The following MAST2 variants were observed in gnomAD, a reference collection of about 807,000 sequenced individuals.
The protein encoded by MAST2 is microtubule associated serine/threonine kinase 2.
A neutral mutation model predicts 147.4 loss-of-function variants in MAST2; 70 were observed. The ratio of observed to expected loss-of-function variants is 0.47; its 90% CI spans 0.39 to 0.58. The LOEUF is 0.58. Among genes scored for constraint, MAST2 ranks in the 20% least tolerant of loss-of-function variants. The pLI is 0.00. For synonymous variants in MAST2, 869 were observed against 896.8 expected (o/e 0.97, Z 0.55); for missense variants, 2,080 against 2,302.3 (o/e 0.90, Z 1.98).
intron 5 of MAST2, among the ~76,000 whole-genome samples, chr1:45,974,044 A>C (rs1644034270): frequency 6.6e-6 from 1 of 152,248 alleles, no homozygotes; most frequent in South Asian, 2.1e-4. Flanking sequence ...CTTATTTGAA[A>C]AAAGTAACAG....
At chr1:45,999,900 T>G (rs1158867191) in intron 6 of MAST2, among the ~76,000 whole-genome samples, 1 of 152,192 alleles carries the variant, frequency 6.6e-6, no homozygotes, top group Non-Finnish European at 1.5e-5. Flanking sequence ...ATACCTTCAT[T>G]TGTTGAAAGC....
intron 4 of MAST2, among the ~76,000 whole-genome samples, chr1:45,899,505 T>C (rs945802077): frequency 6.6e-6 from 1 of 152,070 alleles, no homozygotes; most frequent in Non-Finnish European, 1.5e-5. Context: ...TTTCCATCTT[T>C]ATGACCACAC....
rs542127507 is a variant in MAST2, at chr1:46,010,804, A to G, written c.1053A>G (p.Ala351=). 9.3e-5 allele frequency: 150 copies of G among 1,614,238 alleles called. 1 individual carries two copies. The South Asian group carries it at 1.4e-3, about 15-fold the overall frequency. Residue 351 remains alanine (A), a synonymous_variant, in exon 10 of 29, where the codon GCA becomes GCG. Coordinates refer to ENST00000361297, the MANE Select transcript of MAST2 (RefSeq NM_015112.3). ...SNTPDSVLPL[A]DGALSFIHHQ... ...CTCCAGACAGCGTGCTGCCCTTGGCAGATGGAGCCCTGAGCTTTATTCATC... is the reference window on the plus strand; with the variant it reads ...CTCCAGACAGCGTGCTGCCCTTGGCGGATGGAGCCCTGAGCTTTATTCATC...
rs188424650 is a variant in MAST2, at chr1:45,997,796, G to C, written c.665G>C (p.Arg222Pro). ...GCTCACTTTTCTTTTGTTCCTGCCC[G>C]TAGGTAAGTTGATAGGAAACCTCCT... Reference protein sequence around the residue: ...APAHFSFVPARRTDGRRWSLA... With the variant: ...APAHFSFVPAPRTDGRRWSLA... The change falls in exon 6 of 29, where the codon CGT becomes CCT. Residue 222 changes from arginine (R) to proline (P), a missense_variant. This residue lies in a region of MAST2 where 569 missense variants were observed against 642.5 expected (regional missense o/e 0.89). Transcript: ENST00000361297. The C allele has an allele frequency of 1.1e-5, 18 of 1,613,924 alleles. No homozygotes were observed. The highest frequency in any genetic ancestry group is 1.4e-5 in the Non-Finnish European group (17 of 1,179,860).
At position 45,923,844 on chromosome 1, in the gene MAST2, T is replaced by A. The variant is rs189758077; in HGVS notation, c.501-35542T>A. Among the ~76,000 whole-genome samples, 4 of 152,262 alleles carry A rather than the reference T, an allele frequency of 2.6e-5. No homozygotes were observed. The East Asian group carries it at 7.7e-4, about 29-fold the overall frequency. On this transcript the variant is annotated intron_variant, in intron 4 of 28. Transcript: ENST00000361297. ...CCCACAGTCTGTTGTCACTTCTAGG[T>A]CATTACCTTTATTACCTTCTTGTAA...
chr1:45,935,920 ACT>A (rs755049847), intron 4 of MAST2, among the ~76,000 whole-genome samples: 1 of 152,090 alleles, frequency 6.6e-6, no homozygotes, highest in Non-Finnish European at 1.5e-5. Flanking sequence ...GTTTTCTCTA[ACT>A]CTGTGAAAAA....
chr1:46,023,177 A>G lies in MAST2; in HGVS notation c.1486-56A>G. ...AAGATGCTAGAGCCACAGCTTCTGCAAGGATATGGGCTCTGAGAAGCATGC... is the reference window on the plus strand; with the variant it reads ...AAGATGCTAGAGCCACAGCTTCTGCGAGGATATGGGCTCTGAGAAGCATGC... On this transcript the variant is annotated intron_variant, in intron 13 of 28. Transcript: ENST00000361297. The surrounding 1 kb of genome is among the most constrained non-coding windows in gnomAD (Gnocchi z 4.9). 3.4e-6 allele frequency: 5 copies of G among 1,491,454 alleles called. No homozygotes were observed. The highest frequency in any genetic ancestry group is 4.7e-6 in the Non-Finnish European group (5 of 1,068,242). The allele number at this position is 1,491,454 out of a possible 1,614,324, so 92.4% of individuals were successfully genotyped here. A position where few individuals can be genotyped will look rare whatever the true frequency, so the allele number is the denominator to read the frequency against.
At position 45,881,083 on chromosome 1, in the gene MAST2, T is replaced by C. The variant is rs181008235; in HGVS notation, c.469-1281T>C. Among the ~76,000 whole-genome samples the C allele has an allele frequency of 2.5e-4, 38 of 152,312 alleles. 1 individual carries two copies. The East Asian group carries it at 5.2e-3, about 21-fold the overall frequency. On this transcript the variant is annotated intron_variant, in intron 3 of 28. Transcript: ENST00000361297. ...TATATTTCTTACATGGACAGTTGTT[T>C]TGGAGAGCAATTTGGAATATCCAGT...
intron 4 of MAST2, among the ~76,000 whole-genome samples, chr1:45,950,827 A>G (rs560399951): frequency 1.3e-5 from 2 of 152,306 alleles, no homozygotes; most frequent in South Asian, 2.1e-4. Context: ...CACAACTTTC[A>G]TCTTAATACT....
chr1:45,939,542 T>TTTTTTGGG (rs1656845232), intron 4 of MAST2, among the ~76,000 whole-genome samples: 1 of 134,106 alleles, frequency 7.5e-6, no homozygotes, highest in African/African-American at 2.7e-5. Flanking sequence ...AATTTTTTTT[T>TTTTTTGGG]GGGGGGGTGG....
chr1:45,909,543 C>T (rs1268656207), intron 4 of MAST2, among the ~76,000 whole-genome samples: 4 of 150,474 alleles, frequency 2.7e-5, no homozygotes, highest in Admixed American at 6.6e-5. Context: ...TTTTTGGAGA[C>T]AGAGTCTGGC....
intron 3 of MAST2, 61 bp downstream of exon 3, chr1:45,829,642 T>C: frequency 3.4e-6 from 5 of 1,487,594 alleles, no homozygotes; most frequent in South Asian, 2.5e-5. Context: ...CATTTGTCAT[T>C]GCAACATCTA....
At chr1:45,933,567 C>T (rs1241069414) in intron 4 of MAST2, among the ~76,000 whole-genome samples, 2 of 149,858 alleles carry the variant, frequency 1.3e-5, no homozygotes, top group Non-Finnish European at 3.0e-5. Context: ...TGGTGAAAAC[C>T]CGTCTCTACT....
chr1:45,917,788 C>A (rs1407130161), intron 4 of MAST2, among the ~76,000 whole-genome samples: 1 of 152,172 alleles, frequency 6.6e-6, no homozygotes, highest in African/African-American at 2.4e-5. Context: ...GCCTTGTGAA[C>A]TATGACCTGT....
chr1:46,026,704 G>T (rs968550090), intron 16 of MAST2, among the ~76,000 whole-genome samples: 2 of 152,106 alleles, frequency 1.3e-5, no homozygotes, highest in South Asian at 2.1e-4. Context: ...AGGCTGGGGT[G>T]GGGGTAGGAA....
chr1:46,027,756 A>G lies in MAST2; in HGVS notation c.1945A>G (p.Ile649Val), dbSNP rs759369426. ...CCTCCTAATTACATCCATGGGGCACATCAAGCTCACGGACTTTGGACTGTC... is the reference window on the plus strand; with the variant it reads ...CCTCCTAATTACATCCATGGGGCACGTCAAGCTCACGGACTTTGGACTGTC... ...DNLLITSMGH[I>V]KLTDFGLSKI... is the part of the protein sequence containing the mutation. The change falls in exon 17 of 29, where the codon ATC (isoleucine) becomes GTC (valine). Residue 649 changes from isoleucine (I) to valine (V), a missense_variant. Ile to Val is a conservative substitution (Grantham distance 29). Around this residue, in one of 4 missense-constraint regions of MAST2, gnomAD observed 209 missense variants for 309.5 expected, o/e 0.68. Coordinates refer to ENST00000361297, the MANE Select transcript of MAST2 (RefSeq NM_015112.3). 17 of 1,613,666 alleles carry G rather than the reference A, an allele frequency of 1.1e-5. No individual in the cohort carries two copies. Among genetic ancestry groups the G allele is most frequent in the Admixed American group, 1.7e-5 (1 of 59,928 alleles).
At chr1:45,958,981 A>C (rs1200675831) in intron 4 of MAST2, among the ~76,000 whole-genome samples, 1 of 152,234 alleles carries the variant, frequency 6.6e-6, no homozygotes, top group Non-Finnish European at 1.5e-5. Context: ...TTCATAGATT[A>C]ATAGTTTTGG....
intron 5 of MAST2, among the ~76,000 whole-genome samples, chr1:45,978,346 C>T (rs1403851132): frequency 6.6e-6 from 1 of 151,964 alleles, no homozygotes; most frequent in Non-Finnish European, 1.5e-5. Context: ...AAACCTTGTC[C>T]GTACTAAAAA....
At chr1:45,972,783 C>T (rs1200667172) in intron 5 of MAST2, among the ~76,000 whole-genome samples, 1 of 152,176 alleles carries the variant, frequency 6.6e-6, no homozygotes, top group African/African-American at 2.4e-5. Flanking sequence ...TTTTGGAATT[C>T]CAGTTCTTTA....
Sources: gnomAD v4.1 joint callset for allele counts (sites outside exome capture counted in the v4.1 genomes callset) on GRCh38, gnomAD v4.1.1 for gene constraint, gnomAD v4.1.1 regional missense constraint, Gnocchi (gnomAD v3.1) non-coding constraint, MANE v1.5 for transcripts, NCBI Gene and HGNC (gene_info 2026-07-23, HGNC 2026-07-21) for gene names.